The following BBS2 variants were observed in gnomAD, a reference collection of about 807,000 sequenced individuals.
The protein encoded by BBS2 is BBSome complex member BBS2.
BBS2 carries 62 observed loss-of-function variants against 83.0 expected under a neutral mutation model. The observed-to-expected ratio is 0.75, with a 90% CI of 0.61 to 0.92. The LOEUF (loss-of-function observed/expected upper bound fraction) is 0.92, where lower values mean the gene tolerates loss of function less well. Among genes scored for constraint, BBS2 ranks in the 40% least tolerant of loss-of-function variants. The pLI is 0.00. For synonymous variants in BBS2, 303 were observed against 326.1 expected, an observed-to-expected ratio of 0.93 and a Z score of 0.76; for missense variants, 784 against 901.0, an observed-to-expected ratio of 0.87 and a Z score of 1.66.
chr16:56,479,529 T>C (rs1231342997), downstream of BBS2, among the ~76,000 whole-genome samples: 2 of 152,194 alleles, frequency 1.3e-5, no homozygotes, highest in African/African-American at 4.8e-5. Context: ...ACATGCTCAT[T>C]GTGAGGTAAT....
rs144664345 is a variant in BBS2 at position 56,493,479 on chromosome 16, A to G, written c.1910+3488T>C. ...GACATGAAGAGGGGTGTGTGTGTATATATCTGTGTGTATCTGCATATATAT... is the reference window on the plus strand; with the variant it reads ...GACATGAAGAGGGGTGTGTGTGTATGTATCTGTGTGTATCTGCATATATAT... On this transcript the variant is annotated intron_variant, in intron 15 of 16. Transcript: ENST00000245157. Among the ~76,000 whole-genome samples the G allele has an allele frequency of 2.9e-4, 44 of 151,946 alleles. 1 individual carries two copies. In the East Asian group the frequency reaches 7.9e-3, roughly 27 times the overall value.
rs141731677 is a variant in BBS2 at position 56,501,474 on chromosome 16, G to A, written c.1104C>T (p.Asn368=). 2.2e-4 allele frequency: 356 copies of A among 1,614,042 alleles called. No individual in the cohort carries two copies. Among genetic ancestry groups the A allele is most frequent in the East Asian group, 3.1e-4 (14 of 44,888 alleles). The part of the protein sequence containing the change: ...NAKAELASPL[N]EADGHRGIIP... ...TTATGCCCCGATGCCCATCAGCCTCGTTCAGTGGACTGGCCAATTCAGCCT... is the reference window on the plus strand; with the variant it reads ...TTATGCCCCGATGCCCATCAGCCTCATTCAGTGGACTGGCCAATTCAGCCT... The change falls in exon 10 of 17, where the codon AAC becomes AAT. Residue 368 remains asparagine, a synonymous_variant. Coordinates refer to ENST00000245157, the MANE Select transcript of BBS2 (RefSeq NM_031885.5).
At chr16:56,497,158 C>A in intron 14 of BBS2, 79 bp from the exon 15 acceptor site, 2 of 934,306 alleles carry the variant, frequency 2.1e-6, no homozygotes, top group Non-Finnish European at 3.6e-6. Flanking sequence ...ACACTATTTA[C>A]CAGATACAGA....
intron 8 of BBS2, 98 bp from the exon 9 acceptor site, chr16:56,502,554 G>A (rs1330417632): frequency 6.2e-7 from 1 of 1,609,112 alleles, no homozygotes; most frequent in Non-Finnish European, 8.5e-7. Context: ...CCCCAACTTT[G>A]GTGAATTTAT....
intron 17 of BBS2, chr16:56,476,048 T>C: frequency 6.2e-7 from 1 of 1,610,070 alleles, no homozygotes; most frequent in Non-Finnish European, 8.5e-7. Flanking sequence ...TTTCAGCTGC[T>C]AACAGTGAAT....
intron 7 of BBS2, among the ~76,000 whole-genome samples, chr16:56,503,701 C>T (rs1308139943): frequency 1.3e-5 from 2 of 152,150 alleles, no homozygotes; most frequent in African/African-American, 4.8e-5. Context: ...AGGCGGATCA[C>T]GAGGTCAGGA....
At chr16:56,483,143 T>G (rs1381213573), downstream of BBS2, among the ~76,000 whole-genome samples, 2 of 152,178 alleles carry the variant, frequency 1.3e-5, no homozygotes, top group Non-Finnish European at 2.9e-5. Flanking sequence ...AGCCTACAAA[T>G]CTGTACAGCA....
chr16:56,510,098 A>C, intron 4 of BBS2, 64 bp from the exon 5 acceptor site: 3 of 1,504,834 alleles, frequency 2.0e-6, no homozygotes, highest in Non-Finnish European at 2.8e-6. Context: ...TCTGTAAACA[A>C]AACAAAAAAT....
At chr16:56,480,729 C>T (rs1241870012), downstream of BBS2, among the ~76,000 whole-genome samples, 2 of 152,112 alleles carry the variant, frequency 1.3e-5, no homozygotes, top group African/African-American at 4.8e-5. Context: ...TTAACCACTA[C>T]TAAACAATGA....
chr16:56,470,959 TAGA>T (rs1191527983), intron 17 of BBS2, among the ~76,000 whole-genome samples: 3 of 152,128 alleles, frequency 2.0e-5, no homozygotes, highest in Admixed American at 6.6e-5. Context: ...TACATTCTAG[TAGA>T]AGAAGACAGA....
At chr16:56,512,601 A>C (rs1378413118) in intron 2 of BBS2, among the ~76,000 whole-genome samples, 5 of 152,232 alleles carry the variant, frequency 3.3e-5, no homozygotes, top group Non-Finnish European at 5.9e-5. Context: ...TATTATGTTA[A>C]GTGAAAGAAG....
At chr16:56,471,104 C>T (rs1333143345) in intron 17 of BBS2, among the ~76,000 whole-genome samples, 4 of 151,902 alleles carry the variant, frequency 2.6e-5, no homozygotes, top group African/African-American at 9.7e-5. Flanking sequence ...ATAATCCCAG[C>T]ACTTTTGGAG....
downstream of BBS2, among the ~76,000 whole-genome samples, chr16:56,481,961 A>C (rs1455028882): frequency 2.6e-5 from 4 of 152,214 alleles, no homozygotes; most frequent in African/African-American, 9.6e-5. Flanking sequence ...TCTGTGAAAC[A>C]GACACCAACA....
At chr16:56,488,042 C>T (rs1226788838) in intron 15 of BBS2, among the ~76,000 whole-genome samples, 4 of 152,234 alleles carry the variant, frequency 2.6e-5, no homozygotes, top group South Asian at 4.1e-4. Context: ...GCCACTGAAC[C>T]GTACACTAAA....
At chr16:56,513,847 CA>C (rs1413946664) in intron 2 of BBS2, among the ~76,000 whole-genome samples, 1 of 152,110 alleles carries the variant, frequency 6.6e-6, no homozygotes, top group African/African-American at 2.4e-5. Context: ...ACATGTGAAT[CA>C]TATCTTAATA....
intron 5 of BBS2, chr16:56,509,647 A>G (rs1964522048): frequency 8.6e-6 from 3 of 346,962 alleles, no homozygotes; most frequent in Non-Finnish European, 1.6e-5. Flanking sequence ...CTGGCATACA[A>G]TAGGTACATA....
chr16:56,486,717 T>TA (rs1963786917), intron 15 of BBS2, among the ~76,000 whole-genome samples: 1 of 150,110 alleles, frequency 6.7e-6, no homozygotes, highest in African/African-American at 2.4e-5. Context: ...GAGGTATTGA[T>TA]ACAAACAGTC....
At chr16:56,492,011 T>C (rs1048515223) in intron 15 of BBS2, among the ~76,000 whole-genome samples, 4 of 151,760 alleles carry the variant, frequency 2.6e-5, no homozygotes, top group African/African-American at 9.7e-5. Flanking sequence ...GCAGCCACTA[T>C]GGAAAACATT....
chr16:56,501,548 A>T (rs1253895950), intron 9 of BBS2, 51 bp from the exon 10 acceptor site: 23 of 1,612,370 alleles, frequency 1.4e-5, no homozygotes, highest in Non-Finnish European at 2.0e-5. Flanking sequence ...CACTGAACTA[A>T]TATCAATTTT....
Sources: gnomAD v4.1 joint callset for allele counts (sites outside exome capture counted in the v4.1 genomes callset) on GRCh38, gnomAD v4.1.1 for gene constraint, MANE v1.5 for transcripts, NCBI Gene and HGNC (gene_info 2026-07-23, HGNC 2026-07-21) for gene names.